The following SCOC variants were observed in gnomAD, a reference collection of about 807,000 sequenced individuals.
SCOC encodes short coiled-coil protein.
A neutral mutation model predicts 9.9 loss-of-function variants in SCOC; 7 were observed. The ratio of observed to expected loss-of-function variants is 0.71; its 90% CI spans 0.40 to 1.33. SCOC has a LOEUF of 1.33. SCOC is among the 40% of genes most tolerant of loss of function. The pLI is 0.01. For missense variants in SCOC, 66 were observed against 89.7 expected, an observed-to-expected ratio of 0.74 and a Z score of 1.07; for synonymous variants, 19 against 28.2, an observed-to-expected ratio of 0.67 and a Z score of 1.03.
intron 2 of SCOC, chr4:140,366,134 G>A (rs888946048): frequency 3.9e-5 from 17 of 441,472 alleles, no homozygotes; most frequent in Non-Finnish European, 6.0e-5. Context: ...GAGCAGCCTA[G>A]CATTTTAGAG....
chr4:140,332,359 CTTTTTTTTTT>C (rs70943486), intron 1 of SCOC, among the ~76,000 whole-genome samples: 5 of 76,776 alleles, frequency 6.5e-5, no homozygotes, highest in Admixed American at 1.8e-4. Context: ...CTGGAGTCAT[CTTTTTTTTTT>C]TTTTTTTTTT....
intron 2 of SCOC, among the ~76,000 whole-genome samples, chr4:140,361,979 T>C (rs1264355355): frequency 6.6e-6 from 1 of 152,072 alleles, no homozygotes; most frequent in Non-Finnish European, 1.5e-5. Flanking sequence ...GAGCTATTTC[T>C]TCTAAGGCTG....
chr4:140,275,024 G>T (rs1348845808), intron 1 of SCOC, among the ~76,000 whole-genome samples: 2 of 152,178 alleles, frequency 1.3e-5, no homozygotes, highest in Admixed American at 6.5e-5. Flanking sequence ...TGTTTTGTTG[G>T]TGGTGGTTGG....
chr4:140,263,903 T>C (rs1325582958), intron 1 of SCOC, among the ~76,000 whole-genome samples: 1 of 152,232 alleles, frequency 6.6e-6, no homozygotes, highest in Admixed American at 6.5e-5. Flanking sequence ...TGGGATTGTC[T>C]GGAGGTCTTT....
At chr4:140,297,095 C>G (rs1265699834) in intron 1 of SCOC, among the ~76,000 whole-genome samples, 1 of 152,052 alleles carries the variant, frequency 6.6e-6, no homozygotes, top group Non-Finnish European at 1.5e-5. Context: ...CATTTTCTGC[C>G]CTAAGTTAGC....
intron 2 of SCOC, among the ~76,000 whole-genome samples, chr4:140,363,316 G>A (rs1249805269): frequency 6.6e-6 from 1 of 152,060 alleles, no homozygotes; most frequent in Non-Finnish European, 1.5e-5. Context: ...GAACACCATG[G>A]GTTTGAACTG....
chr4:140,332,992 C>G (rs1380459811), intron 1 of SCOC, among the ~76,000 whole-genome samples: 2 of 152,174 alleles, frequency 1.3e-5, no homozygotes. Context: ...ACCCAAGGAA[C>G]TTAAAAGGGC....
intron 2 of SCOC, among the ~76,000 whole-genome samples, chr4:140,362,273 C>CTGTTCTTCTTCTTCCTCTT: frequency 3.4e-5 from 1 of 29,070 alleles, no homozygotes; most frequent in Non-Finnish European, 7.6e-5. Context: ...ACAGGTGTGT[C>CTGTTCTTCTTCTTCCTCTT]CTTACTTCTT....
At chr4:140,368,704 T>C (rs763464177), upstream of SCOC, among the ~76,000 whole-genome samples, 3 of 152,182 alleles carry the variant, frequency 2.0e-5, no homozygotes, top group Admixed American at 1.3e-4. Context: ...GTAATCTAAG[T>C]TGCAGGAGAA....
chr4:140,320,193 G>A (rs1031832643), intron 1 of SCOC, among the ~76,000 whole-genome samples: 1 of 152,050 alleles, frequency 6.6e-6, no homozygotes, highest in Non-Finnish European at 1.5e-5. Flanking sequence ...AGATGGCCAC[G>A]AAGAGTAACC....
In SCOC at chr4:140,315,841, G is replaced by A. The variant is rs188104973; in HGVS notation, c.-18-27780G>A. On this transcript the variant is annotated intron_variant, in intron 1 of 4. Coordinates refer to the SCOC transcript ENST00000394205. ...CTGCCTCAGGCCTTTTTTCCACCCA[G>A]GGGAGAGAAGATGTGCTATCATATG... 2.6e-4 allele frequency among the ~76,000 whole-genome samples: 39 copies of A among 152,174 alleles called. No homozygotes were observed. The East Asian group carries it at 7.2e-3, about 28-fold the overall frequency.
chr4:140,363,692 C>G (rs953710928), intron 2 of SCOC, among the ~76,000 whole-genome samples: 3 of 152,166 alleles, frequency 2.0e-5, no homozygotes, highest in Non-Finnish European at 4.4e-5. Flanking sequence ...CTTCCTGCTG[C>G]TATTGCTGTG....
At chr4:140,295,634 AC>A (rs1731602673) in intron 1 of SCOC, among the ~76,000 whole-genome samples, 1 of 152,118 alleles carries the variant, frequency 6.6e-6, no homozygotes, top group Admixed American at 6.5e-5. Context: ...GCGTCACAAG[AC>A]CACCTGCATG....
intron 2 of SCOC, among the ~76,000 whole-genome samples, chr4:140,362,304 T>TTCCTCTTCTTCTTCTTCCTCTTCCTC (rs1727586818): frequency 1.8e-5 from 1 of 55,142 alleles, no homozygotes; most frequent in South Asian, 4.9e-4. Flanking sequence ...TTCTTCTTTT[T>TTCCTCTTCTTCTTCTTCCTCTTCCTC]TTTTTTTTTT....
chr4:140,367,387 AT>A (rs928903179), intron 2 of SCOC, among the ~76,000 whole-genome samples: 42 of 149,086 alleles, frequency 2.8e-4, no homozygotes, highest in Middle Eastern at 3.4e-3. Flanking sequence ...AAGCCAGATT[AT>A]TTTTTTTTTG....
At chr4:140,314,306 C>T (rs190824304) in intron 1 of SCOC, 30 of 162,822 alleles carry the variant, frequency 1.8e-4, no homozygotes, top group Middle Eastern at 3.3e-3. Flanking sequence ...TTTTTGGGAG[C>T]GGGTCTAAAA....
intron 2 of SCOC, among the ~76,000 whole-genome samples, chr4:140,365,167 T>A: frequency 2.6e-5 from 2 of 75,548 alleles, no homozygotes; most frequent in Non-Finnish European, 2.5e-5. Flanking sequence ...AAGATATGGA[T>A]ATGGCAAAAA....
exon 2 of SCOC, chr4:140,343,672 A>G: frequency 6.2e-7 from 1 of 1,613,872 alleles, no homozygotes; most frequent in South Asian, 1.1e-5. Context: ...GGAGGAAGAC[A>G]GCACATTCAC....
chr4:140,274,815 A>G (rs1445433754), intron 1 of SCOC, among the ~76,000 whole-genome samples: 3 of 152,222 alleles, frequency 2.0e-5, no homozygotes, highest in Non-Finnish European at 2.9e-5. Context: ...AGGAATTCCA[A>G]GCTTCTCGGC....
Sources: gnomAD v4.1 joint callset for allele counts (sites outside exome capture counted in the v4.1 genomes callset) on GRCh38, gnomAD v4.1.1 for gene constraint, MANE v1.5 for transcripts, NCBI Gene and HGNC (gene_info 2026-07-23, HGNC 2026-07-21) for gene names.